The following PCSK2 variants were observed in gnomAD, a reference collection of about 807,000 sequenced individuals.
The protein encoded by PCSK2 is proprotein convertase subtilisin/kexin type 2.
PCSK2 carries 14 observed loss-of-function variants against 69.7 expected under a neutral mutation model. That is an observed-to-expected ratio of 0.20 (90% confidence interval 0.13 to 0.31). The LOEUF is 0.31. Ranked by LOEUF, PCSK2 falls within the 10% of genes least tolerant of loss-of-function variation. The probability of loss-of-function intolerance (pLI) is 1.00; values close to 1 mark genes in which losing one functional copy is unlikely to be tolerated. For missense variants in PCSK2, 544 were observed against 842.5 expected, an observed-to-expected ratio of 0.65 and a Z score of 4.39; for synonymous variants, 307 against 320.7, an observed-to-expected ratio of 0.96 and a Z score of 0.46.
intron 8 of PCSK2, among the ~76,000 whole-genome samples, chr20:17,440,861 TCA>T (rs765876245): frequency 1.5e-4 from 16 of 103,360 alleles, no homozygotes; most frequent in Middle Eastern, 4.6e-3. Context: ...AAACTCTATC[TCA>T]AAAAAAAAAA....
At chr20:17,333,935 ATG>A (rs1555788988) in intron 2 of PCSK2, among the ~76,000 whole-genome samples, 7 of 137,568 alleles carry the variant, frequency 5.1e-5, no homozygotes, top group South Asian at 4.7e-4. Context: ...ATATATATAT[ATG>A]GCTTCAAATC....
intron 2 of PCSK2, among the ~76,000 whole-genome samples, chr20:17,304,012 ATGGT>A (rs1989247122): frequency 6.6e-6 from 1 of 150,720 alleles, no homozygotes; most frequent in African/African-American, 2.4e-5. Context: ...ATAGCTATAT[ATGGT>A]TCTGGAATGA....
At chr20:17,306,379 T>C (rs1328636416) in intron 2 of PCSK2, among the ~76,000 whole-genome samples, 1 of 152,166 alleles carries the variant, frequency 6.6e-6, no homozygotes, top group Non-Finnish European at 1.5e-5. Context: ...TACAGACTGA[T>C]GCAGAAAAGG....
intron 11 of PCSK2, among the ~76,000 whole-genome samples, chr20:17,467,242 T>C (rs2033119535): frequency 6.6e-6 from 1 of 152,234 alleles, no homozygotes; most frequent in Non-Finnish European, 1.5e-5. Flanking sequence ...TCTCAACCTT[T>C]GTGCCCTGTC....
intron 11 of PCSK2, among the ~76,000 whole-genome samples, chr20:17,477,329 T>TTTTA (rs150620273): frequency 0.28 from 42,247 of 150,536 alleles, 5,982 homozygotes; most frequent in East Asian, 0.39. Context: ...TTTTATTTTA[T>TTTTA]TTTATTTATT....
intron 11 of PCSK2, among the ~76,000 whole-genome samples, chr20:17,480,021 A>G (rs542904209): frequency 9.2e-5 from 14 of 151,598 alleles, no homozygotes; most frequent in Admixed American, 7.9e-4. Context: ...AGCTTCTCCC[A>G]CTCCAAGAAG....
At chr20:17,467,163 T>A (rs2033118635) in intron 11 of PCSK2, among the ~76,000 whole-genome samples, 1 of 152,202 alleles carries the variant, frequency 6.6e-6, no homozygotes, top group Non-Finnish European at 1.5e-5. Context: ...TACCCAGACC[T>A]GAATTCCAAT....
At chr20:17,456,474 GC>G in intron 10 of PCSK2, 26 bp downstream of exon 10, 2 of 1,293,382 alleles carry the variant, frequency 1.5e-6, no homozygotes, top group South Asian at 1.2e-5. Context: ...TGGGTCCAGG[GC>G]CAGCTCTGCA....
At chr20:17,314,384 T>C (rs1196626011) in intron 2 of PCSK2, among the ~76,000 whole-genome samples, 3 of 152,066 alleles carry the variant, frequency 2.0e-5, no homozygotes, top group African/African-American at 7.2e-5. Flanking sequence ...GCCGGGAGGA[T>C]TTTTCCAAAT....
chr20:17,279,370 C>T (rs536258159), intron 2 of PCSK2, among the ~76,000 whole-genome samples: 2 of 152,280 alleles, frequency 1.3e-5, no homozygotes, highest in African/African-American at 4.8e-5. Flanking sequence ...TGGTATTCCT[C>T]TTTCTCTCTA....
chr20:17,304,060 C>G (rs1175225788), intron 2 of PCSK2, among the ~76,000 whole-genome samples: 1 of 151,410 alleles, frequency 6.6e-6, no homozygotes, highest in Non-Finnish European at 1.5e-5. Context: ...AACTGGGAGT[C>G]TTTTGGGAAA....
rs990224982 is a variant in PCSK2 at position 17,247,599 on chromosome 20, G to A, written c.178-12641G>A. ...AAAGGAAAAGTGAAGAGTCTGATCC[G>A]GGAAGCCTTAACTGTTCTGAGGGTT... is the stretch of plus-strand genomic sequence containing the variant. On this transcript the variant is annotated intron_variant, in intron 1 of 11. Transcript: ENST00000262545. 5.3e-5 allele frequency among the ~76,000 whole-genome samples: 8 copies of A among 152,272 alleles called. No individual in the cohort carries two copies. In the South Asian group the frequency reaches 6.2e-4, roughly 12 times the overall value.
intron 7 of PCSK2, among the ~76,000 whole-genome samples, 195 bp from the exon 8 acceptor site, chr20:17,436,513 A>T (rs780224711): frequency 1.3e-5 from 2 of 152,220 alleles, no homozygotes; most frequent in Non-Finnish European, 2.9e-5. Flanking sequence ...ATCAGCAAAG[A>T]TGTGGGTGGG....
At chr20:17,402,656 G>T (rs2031664917) in intron 5 of PCSK2, among the ~76,000 whole-genome samples, 1 of 73,140 alleles carries the variant, frequency 1.4e-5, no homozygotes, top group South Asian at 5.7e-4. Flanking sequence ...GCAAGACTCT[G>T]TCTCAAAAAA....
At chr20:17,330,360 G>A (rs565839582) in intron 2 of PCSK2, among the ~76,000 whole-genome samples, 2 of 152,232 alleles carry the variant, frequency 1.3e-5, no homozygotes, top group South Asian at 4.2e-4. Flanking sequence ...TTGGGAGGCC[G>A]AGGCGGGAGT....
chr20:17,401,309 A>G (rs1455724377), intron 5 of PCSK2, among the ~76,000 whole-genome samples: 1 of 152,212 alleles, frequency 6.6e-6, no homozygotes, highest in Non-Finnish European at 1.5e-5. Context: ...GAATTCCAAG[A>G]CCAAGGTGCC....
At chr20:17,414,447 A>T (rs2031950880) in intron 6 of PCSK2, among the ~76,000 whole-genome samples, 1 of 152,240 alleles carries the variant, frequency 6.6e-6, no homozygotes, top group Non-Finnish European at 1.5e-5. Flanking sequence ...GAAATGGATA[A>T]ATTCCTGAAC....
chr20:17,444,428 T>C (rs974155515), intron 8 of PCSK2, among the ~76,000 whole-genome samples: 6 of 152,222 alleles, frequency 3.9e-5, no homozygotes, highest in Admixed American at 3.9e-4. Flanking sequence ...TAGTAAATAC[T>C]TGAGAGAAGC....
At chr20:17,235,502 G>A (rs915533968) in intron 1 of PCSK2, among the ~76,000 whole-genome samples, 4 of 152,054 alleles carry the variant, frequency 2.6e-5, no homozygotes, top group African/African-American at 9.7e-5. Flanking sequence ...ACAATATACA[G>A]AATCACTATT....
Sources: gnomAD v4.1 joint callset for allele counts (sites outside exome capture counted in the v4.1 genomes callset) on GRCh38, gnomAD v4.1.1 for gene constraint, MANE v1.5 for transcripts, NCBI Gene and HGNC (gene_info 2026-07-23, HGNC 2026-07-21) for gene names.